Variants in PTPRD observed in about 807,000 individuals in gnomAD.
PTPRD encodes the protein receptor-type tyrosine-protein phosphatase delta.
PTPRD carries 34 observed loss-of-function variants against 214.5 expected under a neutral mutation model. The observed-to-expected ratio is 0.16, with a 90% confidence interval of 0.12 to 0.21. PTPRD has a LOEUF of 0.21. PTPRD is among the 10% of genes least tolerant of loss of function. The pLI, the probability that PTPRD is intolerant of heterozygous loss-of-function variation, is 1.00. For synonymous variants in PTPRD, 1,128 were observed against 845.7 expected (o/e 1.33, Z -5.79); for missense variants, 2,545 against 2,398.7 (o/e 1.06, Z -1.27).
chr9:10,369,589 C>T (rs1487352651), intron 2 of PTPRD, among the ~76,000 whole-genome samples: 2 of 151,988 alleles, frequency 1.3e-5, no homozygotes, highest in African/African-American at 2.4e-5. Flanking sequence ...TAAAGAAATA[C>T]CCTAAAAGGA....
chr9:8,926,734 G>A (rs775730051), intron 11 of PTPRD, among the ~76,000 whole-genome samples: 82 of 152,082 alleles, frequency 5.4e-4, no homozygotes, highest in Admixed American at 7.2e-4. Flanking sequence ...ATATAACTTG[G>A]CTGCCCTTCA....
chr9:10,135,549 A>G (rs1361163895), intron 3 of PTPRD, among the ~76,000 whole-genome samples: 1 of 152,146 alleles, frequency 6.6e-6, no homozygotes. Flanking sequence ...GAACATTACA[A>G]GCCAGGAAAG....
At chr9:9,091,634 G>A (rs1309655853) in intron 10 of PTPRD, among the ~76,000 whole-genome samples, 2 of 152,194 alleles carry the variant, frequency 1.3e-5, no homozygotes, top group East Asian at 1.9e-4. Context: ...GGAATGAGAA[G>A]TAAGTGAACA....
chr9:10,554,276 G>C (rs1202575693), intron 2 of PTPRD, among the ~76,000 whole-genome samples: 1 of 152,048 alleles, frequency 6.6e-6, no homozygotes, highest in Non-Finnish European at 1.5e-5. Context: ...TACTTCTCTG[G>C]TGAAGTCATT....
At chr9:9,383,994 C>T (rs2063094985) in intron 9 of PTPRD, among the ~76,000 whole-genome samples, 1 of 151,860 alleles carries the variant, frequency 6.6e-6, no homozygotes, top group Admixed American at 6.6e-5. Flanking sequence ...AGGCCCTGTG[C>T]ACACACAAAA....
intron 9 of PTPRD, among the ~76,000 whole-genome samples, chr9:9,215,006 C>T (rs2099951228): frequency 6.6e-6 from 1 of 152,172 alleles, no homozygotes; most frequent in Admixed American, 6.5e-5. Context: ...GCCTCTTGAA[C>T]ACACACTACT....
At chr9:9,296,459 T>C (rs767784369) in intron 9 of PTPRD, among the ~76,000 whole-genome samples, 6 of 151,818 alleles carry the variant, frequency 4.0e-5, no homozygotes, top group Non-Finnish European at 7.4e-5. Context: ...TGTTCAAATA[T>C]ATGCAAGTAG....
intron 5 of PTPRD, among the ~76,000 whole-genome samples, chr9:9,792,065 A>G (rs192327044): frequency 1.3e-5 from 2 of 152,132 alleles, no homozygotes; most frequent in South Asian, 4.1e-4. Flanking sequence ...GACTCCAAGG[A>G]TTAAAAAAAA....
chr9:10,003,419 T>A (rs573702213), intron 4 of PTPRD, among the ~76,000 whole-genome samples: 3 of 151,816 alleles, frequency 2.0e-5, no homozygotes, highest in Non-Finnish European at 4.4e-5. Flanking sequence ...TGGGGGATAT[T>A]AAGAAAAATG....
chr9:10,122,169 A>T (rs766159984), intron 3 of PTPRD, among the ~76,000 whole-genome samples: 1 of 152,018 alleles, frequency 6.6e-6, no homozygotes, highest in Non-Finnish European at 1.5e-5. Flanking sequence ...TTAGCTGGGC[A>T]TGGTGGTGCT....
At chr9:8,746,208 T>G (rs1325778529) in intron 11 of PTPRD, among the ~76,000 whole-genome samples, 3 of 152,186 alleles carry the variant, frequency 2.0e-5, no homozygotes, top group Non-Finnish European at 4.4e-5. Context: ...AGTCTGGTTA[T>G]CTCAGTGGAG....
chr9:9,839,209 A>C (rs1033652424), intron 5 of PTPRD, among the ~76,000 whole-genome samples: 4 of 152,146 alleles, frequency 2.6e-5, no homozygotes, highest in Admixed American at 2.0e-4. Context: ...CAGGACAATT[A>C]GGCAGGAGAA....
intron 11 of PTPRD, among the ~76,000 whole-genome samples, chr9:8,969,196 G>T (rs1387458376): frequency 6.6e-6 from 1 of 152,026 alleles, no homozygotes; most frequent in African/African-American, 2.4e-5. Flanking sequence ...TTTCACTCAT[G>T]GTATTAACGA....
Position 10,259,179 on chromosome 9 carries a change from C to T in PTPRD, c.-545+81784G>A, listed in dbSNP as rs1026335904. ...CTGGGAATACAGGTGCCTGCCACCACGCCCGGCTAATTTTTTTTGTATTTT... is the reference window on the plus strand; with the variant it reads ...CTGGGAATACAGGTGCCTGCCACCATGCCCGGCTAATTTTTTTTGTATTTT... On this transcript the variant is annotated intron_variant, in intron 3 of 45. Coordinates refer to ENST00000381196, the MANE Select transcript of PTPRD (RefSeq NM_002839.4). Among the ~76,000 whole-genome samples the T allele has an allele frequency of 7.4e-5, 11 of 148,648 alleles. No individual in the cohort carries two copies. In the East Asian group the frequency reaches 1.2e-3, roughly 16 times the overall value.
At chr9:10,286,559 A>G (rs1020025773) in intron 3 of PTPRD, among the ~76,000 whole-genome samples, 4 of 152,298 alleles carry the variant, frequency 2.6e-5, no homozygotes, top group East Asian at 1.9e-4. Context: ...ATTGAAGCCA[A>G]TGGTATTTAT....
intron 14 of PTPRD, among the ~76,000 whole-genome samples, chr9:8,609,464 T>G (rs1285184225): frequency 6.6e-6 from 1 of 152,220 alleles, no homozygotes; most frequent in Non-Finnish European, 1.5e-5. Context: ...AGAAGTATCA[T>G]GAAAATAAAC....
intron 10 of PTPRD, among the ~76,000 whole-genome samples, chr9:9,161,888 T>G (rs1011968632): frequency 1.5e-4 from 23 of 152,080 alleles, no homozygotes; most frequent in Admixed American, 7.2e-4. Flanking sequence ...ACTAAATGTT[T>G]AAATTTTCCT....
chr9:9,730,815 G>A (rs1178026273), intron 7 of PTPRD, among the ~76,000 whole-genome samples: 1 of 152,078 alleles, frequency 6.6e-6, no homozygotes, highest in Non-Finnish European at 1.5e-5. Flanking sequence ...CCTTTACAAA[G>A]TGAGACTGGA....
At chr9:10,410,442 T>C (rs907975834) in intron 2 of PTPRD, among the ~76,000 whole-genome samples, 13 of 151,312 alleles carry the variant, frequency 8.6e-5, no homozygotes, top group Non-Finnish European at 1.3e-4. Context: ...GGACATCTGC[T>C]GATAGTTTGC....
Sources: gnomAD v4.1 joint callset for allele counts (sites outside exome capture counted in the v4.1 genomes callset) on GRCh38, gnomAD v4.1.1 for gene constraint, MANE v1.5 for transcripts, NCBI Gene and HGNC (gene_info 2026-07-23, HGNC 2026-07-21) for gene names.